The following KDELR1 variants were observed in gnomAD, a reference collection of about 807,000 sequenced individuals.
KDELR1 encodes KDEL endoplasmic reticulum protein retention receptor 1, also known as ER lumen protein-retaining receptor 1.
Under a neutral mutation model 25.5 loss-of-function variants are expected in KDELR1, and 16 were observed. The observed-to-expected ratio is 0.63, with a 90% CI of 0.43 to 0.95. The LOEUF is 0.95. Ranked by LOEUF, KDELR1 falls within the 40% of genes least tolerant of loss-of-function variation. KDELR1 has a pLI of 0.00. For missense variants in KDELR1, 159 were observed against 265.2 expected, an observed-to-expected ratio of 0.60 and a Z score of 2.78; for synonymous variants, 121 against 115.0, an observed-to-expected ratio of 1.05 and a Z score of -0.33.
At position 48,384,576 on chromosome 19, in the gene KDELR1, G is replaced by T. The variant is rs1970480456; in HGVS notation, c.352-94C>A. 1 of 1,461,906 alleles carries T rather than the reference G, an allele frequency of 6.8e-7. No homozygotes were observed. The highest frequency in any genetic ancestry group is 1.4e-5 in the African/African-American group (1 of 71,864). The allele number at this position is 1,461,906 out of a possible 1,614,324, so 90.6% of individuals were successfully genotyped here. A position where few individuals can be genotyped will look rare whatever the true frequency, so the allele number is the denominator to read the frequency against. On this transcript the variant is annotated intron_variant, in intron 3 of 4. Coordinates refer to ENST00000330720, the MANE Select transcript of KDELR1 (RefSeq NM_006801.3). The surrounding 1 kb of genome is among the most constrained non-coding windows in gnomAD (Gnocchi z 4.6). Reference sequence around the variant, plus strand: ...TGCAGTTACAGGTGCCGCGAAGGTGGAGAGAAGGAAGGTGATCCAGGTGCT... The same window carrying T: ...TGCAGTTACAGGTGCCGCGAAGGTGTAGAGAAGGAAGGTGATCCAGGTGCT...
intron 2 of KDELR1, 32 bp downstream of exon 2, chr19:48,390,392 T>A (rs755363575): frequency 2.0e-6 from 3 of 1,518,906 alleles, no homozygotes; most frequent in Non-Finnish European, 2.7e-6. Flanking sequence ...TCTGCCTCAG[T>A]GGGGGCCAGA....
At chr19:48,383,448 C>T in intron 4 of KDELR1, 121 bp from the exon 5 acceptor site, 1 of 812,426 alleles carries the variant, frequency 1.2e-6, no homozygotes, top group Non-Finnish European at 2.1e-6. Context: ...AGGGAGGTCC[C>T]CCAGGACTCA....
chr19:48,395,693 A>G (rs759274510), upstream of KDELR1, among the ~76,000 whole-genome samples: 6 of 151,816 alleles, frequency 4.0e-5, no homozygotes, highest in Non-Finnish European at 7.4e-5. Flanking sequence ...AGGCTGTGCT[A>G]TGTACAGGAT....
In KDELR1 at chr19:48,384,789, G is replaced by C. The variant is rs1341034163; in HGVS notation, c.352-307C>G. 6.6e-6 allele frequency among the ~76,000 whole-genome samples: 1 copy of C among 152,136 alleles called. No individual in the cohort carries two copies. Among genetic ancestry groups the C allele is most frequent in the Non-Finnish European group, 1.5e-5 (1 of 68,032 alleles). On this transcript the variant is annotated intron_variant, in intron 3 of 4. Transcript: ENST00000330720. This position sits in a 1 kb window ranked among gnomAD's most constrained non-coding sequence, Gnocchi z 4.6. ...CAGCAGAGCAATGATTCGAACCAAG[G>C]ATTCGCAGTCCGTTCTCATGAACAC...
intron 3 of KDELR1, among the ~76,000 whole-genome samples, chr19:48,387,290 T>C (rs916661627): frequency 4.6e-5 from 7 of 152,006 alleles, no homozygotes; most frequent in African/African-American, 1.7e-4. Context: ...AGCCCAGGAT[T>C]CCCACCACAG....
intron 3 of KDELR1, among the ~76,000 whole-genome samples, chr19:48,385,989 G>T (rs940990209): frequency 1.3e-5 from 2 of 152,162 alleles, no homozygotes; most frequent in Admixed American, 1.3e-4. Context: ...CTCTCGTGAA[G>T]CCAGGTTAGT....
At chr19:48,396,382 T>C (rs963735218), upstream of KDELR1, among the ~76,000 whole-genome samples, 1 of 151,868 alleles carries the variant, frequency 6.6e-6, no homozygotes, top group Non-Finnish European at 1.5e-5. Context: ...GCTGCCCTCC[T>C]GGGCCTCAGT....
upstream of KDELR1, among the ~76,000 whole-genome samples, chr19:48,395,670 C>T (rs2147430656): frequency 6.6e-6 from 1 of 152,148 alleles, no homozygotes. Context: ...CCTCCTCCTC[C>T]CCGCTTGGGG....
chr19:48,390,517 T>C lies in KDELR1; in HGVS notation c.99A>G (p.Ser33=). 1 of 1,611,300 alleles carries C rather than the reference T, an allele frequency of 6.2e-7. No individual in the cohort carries two copies. The change falls in exon 2 of 5, where the codon TCA becomes TCG. Residue 33 remains serine (S), a synonymous_variant. Transcript: ENST00000330720. ...CAGCAAACAGGACCTGGCTCTTCCCTGAAATTCCTGTGGTCCAGAGACAGA... is the reference window on the plus strand; with the variant it reads ...CAGCAAACAGGACCTGGCTCTTCCCCGAAATTCCTGTGGTCCAGAGACAGA... ...IWKSRSCAGI[S]GKSQVLFAVV... is the part of the protein sequence containing the mutation.
intron 4 of KDELR1, 112 bp from the exon 5 acceptor site, chr19:48,383,439 G>T: frequency 1.1e-6 from 1 of 910,504 alleles, no homozygotes; most frequent in South Asian, 1.4e-5. Context: ...TCCACAGGGA[G>T]GGAGGTCCCC....
In KDELR1 at chr19:48,384,066, C is replaced by T. The variant is rs993046662; in HGVS notation, c.604+164G>A. On this transcript the variant is annotated intron_variant, in intron 4 of 4. Transcript: ENST00000330720. This position sits in a 1 kb window ranked among gnomAD's most constrained non-coding sequence, Gnocchi z 4.6. The stretch of plus-strand genomic sequence containing the variant: ...TAGCCCTTAGGGAGGCAGAGGCTAA[C>T]GGTCTGAATTCCTAGGAGGATGGTA... 5.3e-5 allele frequency among the ~76,000 whole-genome samples: 8 copies of T among 152,126 alleles called. No homozygotes were observed. The highest frequency in any genetic ancestry group is 1.9e-4 in the East Asian group (1 of 5,186).
At position 48,383,180 on chromosome 19, in the gene KDELR1, G is replaced by A. The variant is rs1970469771; in HGVS notation, c.*113C>T. On this transcript the variant is annotated 3_prime_UTR_variant, in exon 5 of 5. Transcript: ENST00000330720. ...AACCCGGCAGGAGGCGGGATGGGGAGCACAAGAGGTGGGTTCTTAAAAAAG... is the reference window on the plus strand; with the variant it reads ...AACCCGGCAGGAGGCGGGATGGGGAACACAAGAGGTGGGTTCTTAAAAAAG... The A allele has an allele frequency of 4.5e-6, 5 of 1,111,276 alleles. No individual in the cohort carries two copies. Among genetic ancestry groups the A allele is most frequent in the Non-Finnish European group, 6.6e-6 (5 of 751,998 alleles). 68.8% of individuals were successfully genotyped at this position (1,111,276 alleles called of 1,614,324 possible).
chr19:48,394,759 C>T (rs1007771230), upstream of KDELR1: 4 of 154,974 alleles, frequency 2.6e-5, no homozygotes, highest in African/African-American at 4.8e-5. The surrounding 1 kb of genome is among the most constrained non-coding windows in gnomAD (Gnocchi z 5.1). Flanking sequence ...GAGACGGAGC[C>T]AGGGACAGAC....
chr19:48,389,109 A>C (rs1449066083), intron 3 of KDELR1, among the ~76,000 whole-genome samples: 2 of 152,120 alleles, frequency 1.3e-5, no homozygotes, highest in African/African-American at 4.8e-5. Context: ...GTCTGGACTA[A>C]AAATACAAAA....
chr19:48,382,982 G>T lies in KDELR1; in HGVS notation c.*311C>A. 1 of 404,820 alleles carries T rather than the reference G, an allele frequency of 2.5e-6. No individual in the cohort carries two copies. Among genetic ancestry groups the T allele is most frequent in the Non-Finnish European group, 4.5e-6 (1 of 221,244 alleles). 25.1% of individuals were successfully genotyped at this position (404,820 alleles called of 1,614,324 possible). Reference sequence around the variant, plus strand: ...TCTTGGACCCTGCCCCGGCCCATAGGACACTCAAAAACACTTTATAAAAAT... The same window carrying T: ...TCTTGGACCCTGCCCCGGCCCATAGTACACTCAAAAACACTTTATAAAAAT... On this transcript the variant is annotated 3_prime_UTR_variant, in exon 5 of 5. Coordinates refer to ENST00000330720, the MANE Select transcript of KDELR1 (RefSeq NM_006801.3).
chr19:48,391,591 G>A (rs773442115), upstream of KDELR1: 78 of 531,762 alleles, frequency 1.5e-4, no homozygotes, highest in Non-Finnish European at 2.5e-4. Context: ...GGGAGGAGAG[G>A]CTCCGCCCCC....
rs762693725 is a variant in KDELR1 at position 48,390,539 on chromosome 19, C to CAGAGAAAGAGAGAGAGAG, written c.92-33_92-16dup. The CAGAGAAAGAGAGAGAGAG allele has an allele frequency of 1.4e-6, 2 of 1,475,606 alleles. No individual in the cohort carries two copies. Among genetic ancestry groups the CAGAGAAAGAGAGAGAGAG allele is most frequent in the Admixed American group, 1.8e-5 (1 of 54,526 alleles). 91.4% of individuals were successfully genotyped at this position (1,475,606 alleles called of 1,614,324 possible). On this transcript the variant is annotated splice_polypyrimidine_tract_variant and intron_variant, in intron 1 of 4. Coordinates refer to ENST00000330720, the MANE Select transcript of KDELR1 (RefSeq NM_006801.3). ...CCCTGAAATTCCTGTGGTCCAGAGA[C>CAGAGAAAGAGAGAGAGAG]AGAGAAAGAGAGAGAGAGAGAGACA...
At chr19:48,390,180 GCC>G in intron 2 of KDELR1, 2 of 376,402 alleles carry the variant, frequency 5.3e-6, no homozygotes, top group East Asian at 4.5e-5. Flanking sequence ...AAAAGTCCAG[GCC>G]CCCGGCCCCT....
upstream of KDELR1, among the ~76,000 whole-genome samples, chr19:48,393,742 G>A (rs534203117): frequency 5.8e-4 from 88 of 152,108 alleles, 1 homozygote; most frequent in African/African-American, 3.6e-4. This position sits in a 1 kb window ranked among gnomAD's most constrained non-coding sequence, Gnocchi z 5.6. Flanking sequence ...TCCAAGCCGC[G>A]GCCGCCGCCG....
Sources: allele counts gnomAD v4.1 joint callset (sites outside exome capture counted in the v4.1 genomes callset), GRCh38; gene constraint gnomAD v4.1.1; non-coding constraint Gnocchi (gnomAD v3.1); transcripts MANE v1.5; gene names NCBI Gene and HGNC (gene_info 2026-07-23, HGNC 2026-07-21).